GKAP1: variants seen among roughly 807,000 people sequenced by gnomAD.
GKAP1 encodes G kinase anchoring protein 1, also known as G kinase-anchoring protein 1.
In GKAP1, 31 loss-of-function variants were observed where a neutral mutation model predicts 56.7. That is an observed-to-expected ratio of 0.55 (90% confidence interval 0.41 to 0.74). GKAP1 has a LOEUF of 0.74. Among genes scored for constraint, GKAP1 ranks in the 30% least tolerant of loss-of-function variants. GKAP1 has a pLI of 0.00. For missense variants in GKAP1, 364 were observed against 402.3 expected (o/e 0.90, Z 0.82); for synonymous variants, 151 against 138.6 (o/e 1.09, Z -0.63).
At chr9:83,740,306 T>C (rs755390113) in intron 12 of GKAP1, among the ~76,000 whole-genome samples, 1 of 152,146 alleles carries the variant, frequency 6.6e-6, no homozygotes, top group Non-Finnish European at 1.5e-5. Context: ...GTATTTGACT[T>C]GAGCCAAAGC....
intron 7 of GKAP1, among the ~76,000 whole-genome samples, chr9:83,779,608 C>CATGTATATGTGTATAT (rs1943935744): frequency 5.1e-5 from 4 of 78,494 alleles, no homozygotes; most frequent in Non-Finnish European, 1.0e-4. Flanking sequence ...TATATATACA[C>CATGTATATGTGTATAT]ATATACACAC....
intron 10 of GKAP1, 69 bp from the exon 11 acceptor site, chr9:83,742,669 A>G: frequency 1.1e-6 from 1 of 929,728 alleles, no homozygotes; most frequent in Non-Finnish European, 1.7e-6. Flanking sequence ...TACTTCAGGG[A>G]ACTAAGACAT....
intron 6 of GKAP1, among the ~76,000 whole-genome samples, chr9:83,782,478 C>T (rs1943990803): frequency 6.6e-6 from 1 of 151,528 alleles, no homozygotes; most frequent in Non-Finnish European, 1.5e-5. Flanking sequence ...CCTGCCTCAG[C>T]CTCCTGAGTA....
At position 83,784,925 on chromosome 9, in the gene GKAP1, T is replaced by C. The variant is rs1944039373; in HGVS notation, c.439-87A>G. 8.1e-6 allele frequency: 9 copies of C among 1,105,270 alleles called. No individual in the cohort carries two copies. The South Asian group carries it at 2.0e-4, about 24-fold the overall frequency. 68.5% of individuals were successfully genotyped at this position (1,105,270 alleles called of 1,614,324 possible). On this transcript the variant is annotated intron_variant, in intron 5 of 12. Coordinates refer to ENST00000376371, the MANE Select transcript of GKAP1 (RefSeq NM_025211.4). ...CAGGTAATATGTTTCTTAAAGTTTA[T>C]TTTTTAAAGATAAAAGGCAAATAAA...
intron 3 of GKAP1, among the ~76,000 whole-genome samples, chr9:83,804,367 C>T (rs1338750668): frequency 3.5e-5 from 4 of 113,018 alleles, no homozygotes; most frequent in African/African-American, 7.5e-5. Context: ...GCCCCCCGCC[C>T]GGCCAGCCGC....
At chr9:83,778,511 T>G (rs140182657) in intron 7 of GKAP1, among the ~76,000 whole-genome samples, 5 of 151,420 alleles carry the variant, frequency 3.3e-5, no homozygotes, top group Non-Finnish European at 5.9e-5. Flanking sequence ...CATGGACACA[T>G]AGAGGGGAAC....
At chr9:83,759,444 AC>A (rs998786739) in intron 8 of GKAP1, among the ~76,000 whole-genome samples, 16 of 151,706 alleles carry the variant, frequency 1.1e-4, no homozygotes, top group Non-Finnish European at 1.5e-5. Flanking sequence ...TTTTGCAGAG[AC>A]AGGGTTATTA....
chr9:83,798,620 C>T (rs1176933723), intron 4 of GKAP1, among the ~76,000 whole-genome samples: 1 of 152,148 alleles, frequency 6.6e-6, no homozygotes, highest in African/African-American at 2.4e-5. Context: ...GAGCTCTGAT[C>T]TTCCCACCTC....
chr9:83,803,586 G>A lies in GKAP1; in HGVS notation c.216+2716C>T, dbSNP rs1242348554. Among the ~76,000 whole-genome samples, 7 of 151,994 alleles carry A rather than the reference G, an allele frequency of 4.6e-5. No homozygotes were observed. The South Asian group carries it at 6.2e-4, about 14-fold the overall frequency. ...GGTGCCCAGGCTGGAGTGCAGTGGC[G>A]TGATCTCAGCTCGCTACAACCTCCA... On this transcript the variant is annotated intron_variant, in intron 3 of 12. Transcript: ENST00000376371.
Position 83,806,484 on chromosome 9 carries a change from T to C in GKAP1, c.34A>G (p.Thr12Ala), listed in dbSNP as rs779890928. ...ASAVLSSVPTTASRFALLQVD... is the reference protein window; with the variant it reads ...ASAVLSSVPTAASRFALLQVD... ...TGTAACAGGGCAAAACGAGAAGCGG[T>C]GGTGGGAACAGAACTAAGTACTGCT... The change falls in exon 3 of 13, where the codon ACC becomes GCC. Residue 12 changes from threonine (T) to alanine (A), a missense_variant. Physicochemically the swap from Thr to Ala is moderately conservative, Grantham distance 58. Transcript: ENST00000376371. The C allele has an allele frequency of 6.2e-7, 1 of 1,614,026 alleles. No individual in the cohort carries two copies. Among genetic ancestry groups the C allele is most frequent in the Non-Finnish European group, 8.5e-7 (1 of 1,179,966 alleles).
chr9:83,770,020 T>G (rs1943730420), intron 7 of GKAP1, among the ~76,000 whole-genome samples: 2 of 152,244 alleles, frequency 1.3e-5, no homozygotes, highest in South Asian at 4.1e-4. Flanking sequence ...GAGAAATGTC[T>G]TCTCAGATCC....
chr9:83,760,520 T>G (rs1200813920), intron 8 of GKAP1, among the ~76,000 whole-genome samples: 1 of 152,196 alleles, frequency 6.6e-6, no homozygotes, highest in African/African-American at 2.4e-5. Context: ...CAAATGGACC[T>G]AATAGATATT....
At chr9:83,746,087 G>A (rs774685644) in intron 10 of GKAP1, among the ~76,000 whole-genome samples, 7 of 151,910 alleles carry the variant, frequency 4.6e-5, no homozygotes, top group Non-Finnish European at 1.0e-4. Flanking sequence ...CACTGCGCCT[G>A]GCCTCCCCCC....
chr9:83,806,116 CA>C (rs879686695), intron 3 of GKAP1, among the ~76,000 whole-genome samples, 185 bp downstream of exon 3: 1,922 of 127,894 alleles, frequency 0.015, 38 homozygotes, highest in African/African-American at 0.045. Context: ...GACCCTGTCT[CA>C]AAAAAAAAAA....
intron 9 of GKAP1, among the ~76,000 whole-genome samples, chr9:83,751,794 T>C (rs568745419): frequency 6.6e-6 from 1 of 151,640 alleles, no homozygotes; most frequent in East Asian, 1.9e-4. Flanking sequence ...AGAGGTAAGA[T>C]TTGTAGTTAA....
chr9:83,808,921 T>C lies in GKAP1; in HGVS notation c.-43-2361A>G, dbSNP rs368716676. On this transcript the variant is annotated intron_variant, in intron 2 of 12. Coordinates refer to ENST00000376371, the MANE Select transcript of GKAP1 (RefSeq NM_025211.4). The stretch of plus-strand genomic sequence containing the variant: ...CTTCTGCGATTGCAGAAGCATATAG[T>C]GAGATGGAATTTCTATCAGCCAGAT... 9.8e-5 allele frequency among the ~76,000 whole-genome samples: 15 copies of C among 152,300 alleles called. 1 individual carries two copies. In the East Asian group the frequency reaches 1.7e-3, roughly 18 times the overall value.
At chr9:83,775,155 C>T (rs930925537) in intron 7 of GKAP1, among the ~76,000 whole-genome samples, 17 of 152,092 alleles carry the variant, frequency 1.1e-4, no homozygotes, top group Admixed American at 6.6e-4. Context: ...AGGTGTGCAC[C>T]ACTGAGCCTG....
intron 3 of GKAP1, among the ~76,000 whole-genome samples, chr9:83,803,851 C>T (rs1331676868): frequency 1.3e-5 from 2 of 151,342 alleles, no homozygotes; most frequent in African/African-American, 4.9e-5. Context: ...AAGTGAGGAG[C>T]GTTTCTGCCC....
At chr9:83,744,418 T>A (rs1187510898) in intron 10 of GKAP1, among the ~76,000 whole-genome samples, 2 of 152,194 alleles carry the variant, frequency 1.3e-5, no homozygotes, top group Non-Finnish European at 2.9e-5. Context: ...CACACCCATC[T>A]GGTCTGACAA....
Sources: gnomAD v4.1 joint callset for allele counts (sites outside exome capture counted in the v4.1 genomes callset) on GRCh38, gnomAD v4.1.1 for gene constraint, MANE v1.5 for transcripts, NCBI Gene and HGNC (gene_info 2026-07-23, HGNC 2026-07-21) for gene names.